The following MEIS2 variants were observed in gnomAD, a reference collection of about 807,000 sequenced individuals.
The protein encoded by MEIS2 is Meis homeobox 2, also known as homeobox protein Meis2.
Under a neutral mutation model 58.6 loss-of-function variants are expected in MEIS2, and 9 were observed. The observed-to-expected ratio is 0.15, with a 90% CI of 0.09 to 0.27. The LOEUF (loss-of-function observed/expected upper bound fraction) is 0.27. Among genes scored for constraint, MEIS2 ranks in the 10% least tolerant of loss-of-function variants. MEIS2 has a pLI of 1.00. For synonymous variants in MEIS2, 221 were observed against 228.4 expected (o/e 0.97, Z 0.29); for missense variants, 427 against 635.0 (o/e 0.67, Z 3.52).
rs569119129 is a variant in MEIS2, at chr15:37,001,732, A to G, written c.900+35082T>C. Among the ~76,000 whole-genome samples the G allele has an allele frequency of 1.9e-4, 29 of 152,262 alleles. No individual in the cohort carries two copies. In the South Asian group the frequency reaches 5.8e-3, roughly 30 times the overall value. ...GAAATATGGGCAGATCACATGCACT[A>G]TATTATTTATTTAATATTTTAAATT... On this transcript the variant is annotated intron_variant, in intron 8 of 11. Transcript: ENST00000561208.
At chr15:37,016,456 C>T (rs1192655034) in intron 8 of MEIS2, among the ~76,000 whole-genome samples, 1 of 151,856 alleles carries the variant, frequency 6.6e-6, no homozygotes, top group Non-Finnish European at 1.5e-5. Context: ...ACCTGCGTCA[C>T]AACATGGCAG....
At chr15:37,028,138 C>G (rs1448995475) in intron 8 of MEIS2, among the ~76,000 whole-genome samples, 1 of 152,184 alleles carries the variant, frequency 6.6e-6, no homozygotes, top group Admixed American at 6.5e-5. Flanking sequence ...AGCTCATAAT[C>G]TGGGAGGTAA....
At chr15:37,043,607 T>C (rs1428146221) in intron 7 of MEIS2, among the ~76,000 whole-genome samples, 1 of 152,124 alleles carries the variant, frequency 6.6e-6, no homozygotes. Flanking sequence ...TATATACATT[T>C]ACATATGCAA....
intron 8 of MEIS2, among the ~76,000 whole-genome samples, chr15:36,956,825 A>C (rs964979419): frequency 6.9e-6 from 1 of 145,532 alleles, no homozygotes; most frequent in Non-Finnish European, 1.5e-5. Context: ...ACATAGACCG[A>C]TTTGGATTAT....
At chr15:36,935,162 T>C (rs571813953) in intron 9 of MEIS2, among the ~76,000 whole-genome samples, 3 of 151,248 alleles carry the variant, frequency 2.0e-5, no homozygotes, top group Non-Finnish European at 4.4e-5. Context: ...ATTATCTTTT[T>C]TCCAGATTGA....
chr15:36,934,551 C>T (rs1463945527), intron 9 of MEIS2, among the ~76,000 whole-genome samples: 1 of 152,186 alleles, frequency 6.6e-6, no homozygotes, highest in African/African-American at 2.4e-5. Flanking sequence ...AAATACCGTT[C>T]AACGGGCACC....
At chr15:36,943,886 T>C (rs192691997) in intron 9 of MEIS2, among the ~76,000 whole-genome samples, 31 of 152,174 alleles carry the variant, frequency 2.0e-4, no homozygotes, top group Non-Finnish European at 3.8e-4. Context: ...TCCTTTTGTT[T>C]ACCACTTTTA....
chr15:36,929,522 A>G (rs1436820639), intron 9 of MEIS2, among the ~76,000 whole-genome samples: 3 of 152,208 alleles, frequency 2.0e-5, no homozygotes, highest in Non-Finnish European at 4.4e-5. Flanking sequence ...GCATATAACT[A>G]TAACATTAAA....
chr15:37,059,677 T>C (rs1241870715), intron 7 of MEIS2, among the ~76,000 whole-genome samples: 1 of 152,018 alleles, frequency 6.6e-6, no homozygotes, highest in African/African-American at 2.4e-5. Flanking sequence ...TGGCTTATGC[T>C]TGTGATCCCA....
intron 8 of MEIS2, among the ~76,000 whole-genome samples, chr15:36,979,708 T>G (rs1006704673): frequency 6.8e-6 from 1 of 147,478 alleles, no homozygotes; most frequent in Non-Finnish European, 1.5e-5. Context: ...AAAATATATA[T>G]AATATATATG....
chr15:36,928,178 G>A (rs1033844941), intron 9 of MEIS2, among the ~76,000 whole-genome samples: 1 of 152,044 alleles, frequency 6.6e-6, no homozygotes, highest in African/African-American at 2.4e-5. Flanking sequence ...TTGCAGAAAG[G>A]GAGTATGAAA....
intron 8 of MEIS2, among the ~76,000 whole-genome samples, chr15:37,036,066 A>G (rs147327503): frequency 6.6e-6 from 1 of 151,730 alleles, no homozygotes; most frequent in African/African-American, 2.4e-5. Flanking sequence ...AATATATTGT[A>G]ATTTTTTTGT....
chr15:37,084,269 A>G (rs949431612), intron 6 of MEIS2, among the ~76,000 whole-genome samples: 2 of 152,188 alleles, frequency 1.3e-5, no homozygotes, highest in African/African-American at 2.4e-5. Flanking sequence ...ACATTCTACT[A>G]AGAAATAGGT....
At chr15:36,946,425 A>G (rs968191627) in intron 9 of MEIS2, among the ~76,000 whole-genome samples, 12 of 139,408 alleles carry the variant, frequency 8.6e-5, no homozygotes, top group Admixed American at 7.6e-4. Context: ...AACTGTAGAA[A>G]AAAAAAAAAA....
chr15:37,094,354 C>T (rs754278756), intron 5 of MEIS2, among the ~76,000 whole-genome samples, 173 bp downstream of exon 5: 2 of 152,162 alleles, frequency 1.3e-5, no homozygotes, highest in African/African-American at 2.4e-5. Context: ...TGTCCTGATT[C>T]ACCCACCCTC....
At chr15:36,901,665 C>T (rs1306539041) in intron 9 of MEIS2, among the ~76,000 whole-genome samples, 1 of 152,022 alleles carries the variant, frequency 6.6e-6, no homozygotes, top group Admixed American at 6.6e-5. Flanking sequence ...AACACATGAA[C>T]TAAATACTAA....
intron 8 of MEIS2, among the ~76,000 whole-genome samples, chr15:37,018,515 A>G (rs2061423271): frequency 6.6e-6 from 1 of 152,234 alleles, no homozygotes; most frequent in Non-Finnish European, 1.5e-5. Context: ...AATAGTATCT[A>G]TACATGCAAA....
chr15:37,030,003 T>A (rs190405262), intron 8 of MEIS2, among the ~76,000 whole-genome samples: 5 of 151,846 alleles, frequency 3.3e-5, no homozygotes, highest in African/African-American at 1.2e-4. Flanking sequence ...GTCTCTACAA[T>A]CAATCAATCA....
At chr15:36,925,694 G>A (rs1011552506) in intron 9 of MEIS2, among the ~76,000 whole-genome samples, 1 of 152,094 alleles carries the variant, frequency 6.6e-6, no homozygotes, top group East Asian at 1.9e-4. Context: ...TTAGCAAAAT[G>A]GTAGCTCATA....
Sources: allele counts gnomAD v4.1 joint callset (sites outside exome capture counted in the v4.1 genomes callset), GRCh38; gene constraint gnomAD v4.1.1; transcripts MANE v1.5; gene names NCBI Gene and HGNC (gene_info 2026-07-23, HGNC 2026-07-21).